ADGRL3: variants seen among roughly 807,000 people sequenced by gnomAD.
ADGRL3 encodes calcium-independent alpha-latrotoxin receptor 3.
In ADGRL3, 62 loss-of-function variants were observed where a neutral mutation model predicts 153.5. The observed-to-expected ratio is 0.40, with a 90% CI of 0.33 to 0.50. ADGRL3 has a LOEUF of 0.50. ADGRL3 is among the 20% of genes least tolerant of loss of function. The pLI is 0.47. For missense variants in ADGRL3, 1,641 were observed against 1,859.4 expected, an observed-to-expected ratio of 0.88 and a Z score of 2.16; for synonymous variants, 710 against 672.5, an observed-to-expected ratio of 1.06 and a Z score of -0.86.
At chr4:61,289,511 A>G (rs1483732984) in intron 1 of ADGRL3, among the ~76,000 whole-genome samples, 1 of 152,094 alleles carries the variant, frequency 6.6e-6, no homozygotes, top group Admixed American at 6.6e-5. Context: ...TCTGGCAATA[A>G]TGTATGCCTT....
At chr4:61,646,962 C>G (rs1003626023) in intron 5 of ADGRL3, among the ~76,000 whole-genome samples, 5 of 152,184 alleles carry the variant, frequency 3.3e-5, no homozygotes, top group Non-Finnish European at 7.3e-5. Flanking sequence ...GAGCCAGGTG[C>G]GGATATAATC....
rs138183171 is a variant in ADGRL3 at position 61,459,091 on chromosome 4, G to T, written c.-173-38030G>T. ...CACATTCTATTAAATAATATAGAGA[G>T]AATTTTTTTAAATGTGTACTTAAGT... On this transcript the variant is annotated intron_variant, in intron 2 of 26. Transcript: ENST00000683033. Among the ~76,000 whole-genome samples, 560 of 151,494 alleles carry T rather than the reference G, an allele frequency of 3.7e-3. 3 individuals are homozygous for T. The highest frequency in any genetic ancestry group is 7.3e-3 in the South Asian group (35 of 4,802).
Position 62,077,723 on chromosome 4 carries a change from A to T in ADGRL3, c.*6815A>T, listed in dbSNP as rs1577803736. The T allele has an allele frequency of 6.6e-6, 1 of 152,098 alleles. No individual in the cohort carries two copies. Among genetic ancestry groups the T allele is most frequent in the South Asian group, 2.1e-4 (1 of 4,826 alleles). The allele number at this position is 152,098 out of a possible 1,614,324, so 9.4% of individuals were successfully genotyped here. ...ATATTGAATGACATTTTGAATCAAT[A>T]AAAATGAGAAAAAAACATTTAAATT... On this transcript the variant is annotated 3_prime_UTR_variant, in exon 27 of 27. Coordinates refer to ENST00000683033, the MANE Select transcript of ADGRL3 (RefSeq NM_001387552.1).
At chr4:61,987,421 A>G (rs983734753) in intron 19 of ADGRL3, among the ~76,000 whole-genome samples, 1 of 151,910 alleles carries the variant, frequency 6.6e-6, no homozygotes, top group African/African-American at 2.4e-5. Context: ...GTGATCTGCC[A>G]GCCTTGTCCT....
intron 17 of ADGRL3, among the ~76,000 whole-genome samples, chr4:61,973,618 CT>C (rs1410848866): frequency 6.6e-6 from 1 of 151,972 alleles, no homozygotes; most frequent in African/African-American, 2.4e-5. Flanking sequence ...TTCTGTCATT[CT>C]CCTCTGATTT....
intron 6 of ADGRL3, among the ~76,000 whole-genome samples, chr4:61,723,072 G>GT (rs747668370): frequency 3.9e-5 from 6 of 152,154 alleles, no homozygotes; most frequent in Non-Finnish European, 7.3e-5. Context: ...TAGTCAAACT[G>GT]TTATGCCTTG....
chr4:62,000,653 C>A (rs187040173), intron 21 of ADGRL3, among the ~76,000 whole-genome samples: 2 of 152,030 alleles, frequency 1.3e-5, no homozygotes, highest in Admixed American at 1.3e-4. Flanking sequence ...ATATACCTGA[C>A]CATTAAATGG....
chr4:61,997,973 G>A (rs1315041590), intron 20 of ADGRL3, among the ~76,000 whole-genome samples: 1 of 152,104 alleles, frequency 6.6e-6, no homozygotes, highest in Admixed American at 6.6e-5. Flanking sequence ...GCATAGTAGT[G>A]CTTTGTAACT....
At chr4:61,281,242 T>A (rs1424410261) in intron 1 of ADGRL3, among the ~76,000 whole-genome samples, 10 of 152,260 alleles carry the variant, frequency 6.6e-5, no homozygotes, top group Admixed American at 3.3e-4. Context: ...TGGGGTACCA[T>A]CCCAAAGACC....
At chr4:61,676,729 T>C in intron 5 of ADGRL3, 97 bp from the exon 6 acceptor site, 1 of 856,420 alleles carries the variant, frequency 1.2e-6, no homozygotes, top group Non-Finnish European at 2.0e-6. Flanking sequence ...CTTATTCAAA[T>C]CTGTATAACA....
At chr4:61,677,162 T>C in intron 6 of ADGRL3, 2 of 445,412 alleles carry the variant, frequency 4.5e-6, no homozygotes, top group Non-Finnish European at 8.2e-6. Flanking sequence ...TATGAATACG[T>C]GTTCTAACAC....
chr4:61,948,600 G>T (rs181340488), intron 17 of ADGRL3, among the ~76,000 whole-genome samples: 3 of 152,270 alleles, frequency 2.0e-5, no homozygotes, highest in Admixed American at 2.0e-4. Flanking sequence ...AGGCCAGTGG[G>T]GTTGGTTTAG....
chr4:61,523,600 T>A (rs1286130983), intron 4 of ADGRL3, among the ~76,000 whole-genome samples: 2 of 152,090 alleles, frequency 1.3e-5, no homozygotes, highest in Non-Finnish European at 2.9e-5. Context: ...AGAAAGGTAA[T>A]AGGCCTCTAG....
intron 2 of ADGRL3, among the ~76,000 whole-genome samples, chr4:61,452,570 G>C (rs2097688710): frequency 6.6e-6 from 1 of 152,120 alleles, no homozygotes; most frequent in Non-Finnish European, 1.5e-5. Context: ...GAAACTTTTA[G>C]AGATTCCTTG....
At chr4:61,439,928 A>G (rs1442023190) in intron 2 of ADGRL3, among the ~76,000 whole-genome samples, 1 of 152,132 alleles carries the variant, frequency 6.6e-6, no homozygotes, top group Non-Finnish European at 1.5e-5. Flanking sequence ...TAACATATAC[A>G]TTTAATTTTT....
chr4:61,541,377 C>G (rs1051624549), intron 4 of ADGRL3, among the ~76,000 whole-genome samples: 1 of 133,926 alleles, frequency 7.5e-6, no homozygotes, highest in Non-Finnish European at 1.6e-5. Context: ...TTTTCTGACA[C>G]CTGGGCAAGT....
At chr4:61,319,893 C>T (rs2095317805) in intron 1 of ADGRL3, among the ~76,000 whole-genome samples, 1 of 152,138 alleles carries the variant, frequency 6.6e-6, no homozygotes, top group Admixed American at 6.6e-5. Flanking sequence ...CTGGTATGTA[C>T]TGAATTGTGC....
chr4:61,425,273 A>G (rs377268033), intron 2 of ADGRL3: 1 of 152,192 alleles, frequency 6.6e-6, no homozygotes, highest in Non-Finnish European at 1.5e-5. Context: ...GGGGTTGAGC[A>G]TGTCATAGGT....
chr4:61,249,320 AG>A (rs1758294913), intron 1 of ADGRL3, among the ~76,000 whole-genome samples: 2 of 152,296 alleles, frequency 1.3e-5, no homozygotes, highest in Admixed American at 1.3e-4. Flanking sequence ...TTAGGGGCCT[AG>A]ACAGTACAGA....
Sources: gnomAD v4.1 joint callset for allele counts (sites outside exome capture counted in the v4.1 genomes callset) on GRCh38, gnomAD v4.1.1 for gene constraint, MANE v1.5 for transcripts, NCBI Gene and HGNC (gene_info 2026-07-23, HGNC 2026-07-21) for gene names.